FBLN2: variants seen among roughly 807,000 people sequenced by gnomAD.
FBLN2 encodes the protein fibulin 2.
Under a neutral mutation model 123.7 loss-of-function variants are expected in FBLN2, and 81 were observed. The observed-to-expected ratio is 0.65, with a 90% CI of 0.55 to 0.79. The LOEUF is 0.79. Among genes scored for constraint, FBLN2 ranks in the 30% least tolerant of loss-of-function variants. FBLN2 has a pLI of 0.00. For synonymous variants in FBLN2, 699 were observed against 701.4 expected (o/e 1.00, Z 0.05); for missense variants, 1,603 against 1,681.3 (o/e 0.95, Z 0.81).
chr3:13,606,100 A>G (rs1413003519), intron 2 of FBLN2, among the ~76,000 whole-genome samples: 1 of 151,958 alleles, frequency 6.6e-6, no homozygotes. Flanking sequence ...GAGATTCGCC[A>G]TGTTGTCCAG....
chr3:13,621,601 C>T (rs1474674889), intron 8 of FBLN2, among the ~76,000 whole-genome samples, 174 bp from the exon 9 acceptor site: 1 of 152,208 alleles, frequency 6.6e-6, no homozygotes, highest in Admixed American at 6.5e-5. Flanking sequence ...GCAGTGGGGA[C>T]CAGCTCTGCA....
At chr3:13,592,010 T>C (rs1704690091) in intron 2 of FBLN2, among the ~76,000 whole-genome samples, 1 of 149,724 alleles carries the variant, frequency 6.7e-6, no homozygotes, top group Non-Finnish European at 1.5e-5. Flanking sequence ...GTTTCTGGCC[T>C]CTCTTTTCTT....
At chr3:13,621,045 C>T (rs1178342189) in intron 8 of FBLN2, among the ~76,000 whole-genome samples, 1 of 152,234 alleles carries the variant, frequency 6.6e-6, no homozygotes, top group Admixed American at 6.5e-5. Flanking sequence ...GGCAGGCCTC[C>T]TTTGGGCCCA....
In FBLN2 at chr3:13,634,360, G is replaced by A. The variant is rs113102190; in HGVS notation, c.3215-2085G>A. Among the ~76,000 whole-genome samples the A allele has an allele frequency of 7.6e-3, 1,162 of 152,354 alleles. 23 individuals carry two copies. The highest frequency in any genetic ancestry group is 0.03 in the South Asian group (143 of 4,832). Reference sequence around the variant, plus strand: ...GCGCCGATGGGCGAGGCCCTGGGGCGTTAGGGAAGACCTGCGACTGACCGC... The same window carrying A: ...GCGCCGATGGGCGAGGCCCTGGGGCATTAGGGAAGACCTGCGACTGACCGC... On this transcript the variant is annotated intron_variant, in intron 16 of 17. Coordinates refer to ENST00000404922, the MANE Select transcript of FBLN2 (RefSeq NM_001004019.2).
intron 2 of FBLN2, among the ~76,000 whole-genome samples, chr3:13,607,102 C>G (rs184721870): frequency 6.6e-6 from 1 of 152,194 alleles, no homozygotes; most frequent in East Asian, 1.9e-4. Flanking sequence ...ATTCTCCTGC[C>G]TCAGCCTCCT....
At chr3:13,611,404 C>T (rs572306688) in intron 4 of FBLN2, among the ~76,000 whole-genome samples, 2 of 152,334 alleles carry the variant, frequency 1.3e-5, no homozygotes, top group Admixed American at 6.5e-5. Context: ...CAAGCTGAAA[C>T]TGTTCCCATT....
At chr3:13,625,676 A>C (rs561108887) in intron 9 of FBLN2, among the ~76,000 whole-genome samples, 1 of 151,900 alleles carries the variant, frequency 6.6e-6, no homozygotes, top group East Asian at 1.9e-4. Context: ...GCTTCACAAT[A>C]CTTCAGAATC....
chr3:13,558,454 A>G (rs1298650422), intron 1 of FBLN2, among the ~76,000 whole-genome samples: 1 of 151,950 alleles, frequency 6.6e-6, no homozygotes, highest in Admixed American at 6.6e-5. Flanking sequence ...GTGCCTCTGT[A>G]TGAAAGGTGG....
intron 8 of FBLN2, among the ~76,000 whole-genome samples, chr3:13,620,090 T>A (rs1705797409): frequency 1.3e-5 from 2 of 152,046 alleles, no homozygotes; most frequent in South Asian, 4.2e-4. Context: ...ATGGTGTCGC[T>A]CCGCATTTCC....
At chr3:13,584,002 G>A (rs1704419442) in intron 2 of FBLN2, among the ~76,000 whole-genome samples, 2 of 152,206 alleles carry the variant, frequency 1.3e-5, no homozygotes, top group African/African-American at 2.4e-5. Flanking sequence ...TGGAGAAGCA[G>A]CACTAGAAGT....
chr3:13,629,875 C>T lies in FBLN2; in HGVS notation c.2898C>T (p.Asn966=). The T allele has an allele frequency of 3.1e-6, 5 of 1,599,206 alleles. No homozygotes were observed. The highest frequency in any genetic ancestry group is 4.3e-6 in the Non-Finnish European group (5 of 1,173,804). Residue 966 remains asparagine, a synonymous_variant, in exon 14 of 18, where the codon AAC becomes AAT. Coordinates refer to ENST00000404922, the MANE Select transcript of FBLN2 (RefSeq NM_001004019.2). ...PGRLCQHTCE[N]TLGSYRCSCA... is the part of the protein sequence containing the mutation. ...GCCTGTGCCAGCACACGTGTGAGAA[C>T]ACACTCGGCTCCTACCGCTGTTCCT... is the stretch of plus-strand genomic sequence containing the variant.
At chr3:13,628,523 C>T (rs1038061693) in intron 11 of FBLN2, among the ~76,000 whole-genome samples, 9 of 152,224 alleles carry the variant, frequency 5.9e-5, no homozygotes, top group Non-Finnish European at 1.2e-4. Context: ...TCTGCGCCCC[C>T]CATCAACTCC....
intron 9 of FBLN2, among the ~76,000 whole-genome samples, chr3:13,626,030 C>T (rs1250903533): frequency 6.6e-6 from 1 of 152,092 alleles, no homozygotes; most frequent in African/African-American, 2.4e-5. Flanking sequence ...TTCTGAGAAT[C>T]CATCCCTGAC....
At position 13,570,476 on chromosome 3, in the gene FBLN2, C is replaced by T. The variant is rs1307716110; in HGVS notation, c.121C>T (p.Leu41=). 6.3e-7 allele frequency: 1 copy of T among 1,581,072 alleles called. No homozygotes were observed. Residue 41 remains leucine (L), a synonymous_variant, in exon 2 of 18, where the codon CTG becomes TTG. Transcript: ENST00000404922. ...CTGCACGGGCGTGGAGTGCCCGCCG[C>T]TGGAGAACTGCATTGAGGAGGCGCT... ...QDCTGVECPP[L]ENCIEEALEP...
intron 1 of FBLN2, among the ~76,000 whole-genome samples, chr3:13,567,590 TCA>T (rs571002050): frequency 7.9e-4 from 120 of 152,304 alleles, no homozygotes; most frequent in African/African-American, 2.7e-3. Flanking sequence ...ACTCCTGACC[TCA>T]AGTGATCCGC....
At chr3:13,622,928 C>T (rs1450422) in intron 9 of FBLN2, among the ~76,000 whole-genome samples, 6,245 of 152,258 alleles carry the variant, frequency 0.041, 169 homozygotes, top group African/African-American at 0.077. Flanking sequence ...GGGCATGCAG[C>T]GTAGAAGGAA....
chr3:13,629,297 G>A lies in FBLN2; in HGVS notation c.2842+5G>A, dbSNP rs1574999596. 1 of 1,604,126 alleles carries A rather than the reference G, an allele frequency of 6.2e-7. No individual in the cohort carries two copies. ...CCTTTGGCCGGGGCTGCATCGGTAG[G>A]TAGGCTGGTGGCCAGGACCCCTGGG... On this transcript the variant is annotated splice_donor_5th_base_variant and intron_variant, in intron 13 of 17. Coordinates refer to ENST00000404922, the MANE Select transcript of FBLN2 (RefSeq NM_001004019.2).
At chr3:13,568,715 T>A in intron 1 of FBLN2, 1 of 963,640 alleles carries the variant, frequency 1.0e-6, no homozygotes, top group Non-Finnish European at 1.2e-6. Context: ...CCCCTGACAC[T>A]GCCACGTCCT....
rs771752765 is a variant in FBLN2 at position 13,621,782 on chromosome 3, C to A, written c.2163C>A (p.Asp721Glu). Residue 721 changes from aspartate to glutamate, a missense_variant, in exon 9 of 18, where the codon GAC becomes GAA. Coordinates refer to ENST00000404922, the MANE Select transcript of FBLN2 (RefSeq NM_001004019.2). The part of the protein sequence containing the change: ...MADGVSCEDQ[D>E]ECLMGAHDCS... ...TCCTGCGGCTGCCACTAGACCAAGA[C>A]GAGTGCCTGATGGGTGCTCACGATT... 1.2e-6 allele frequency: 2 copies of A among 1,613,850 alleles called. No homozygotes were observed. Among genetic ancestry groups the A allele is most frequent in the African/African-American group, 2.7e-5 (2 of 74,928 alleles).
Sources: gnomAD v4.1 joint callset for allele counts (sites outside exome capture counted in the v4.1 genomes callset) on GRCh38, gnomAD v4.1.1 for gene constraint, MANE v1.5 for transcripts, NCBI Gene and HGNC (gene_info 2026-07-23, HGNC 2026-07-21) for gene names.